UBAP2L: variants seen among roughly 807,000 people sequenced by gnomAD.
The protein encoded by UBAP2L is ubiquitin-associated protein 2-like.
Under a neutral mutation model 130.6 loss-of-function variants are expected in UBAP2L, and 12 were observed. That is an observed-to-expected ratio of 0.09 (90% CI 0.06 to 0.15). The LOEUF is 0.15. Ranked by LOEUF, UBAP2L falls within the 10% of genes least tolerant of loss-of-function variation. The pLI is 1.00. For synonymous variants in UBAP2L, 503 were observed against 524.7 expected (o/e 0.96, Z 0.57); for missense variants, 965 against 1,332.5 (o/e 0.72, Z 4.29).
downstream of UBAP2L, chr1:154,270,885 T>G: frequency 1.3e-6 from 2 of 1,534,050 alleles, no homozygotes; most frequent in Non-Finnish European, 1.8e-6. Flanking sequence ...GTCTAGGACA[T>G]CCTCAATTTC....
At chr1:154,261,816 T>C in intron 24 of UBAP2L, 119 bp downstream of exon 24, 1 of 979,676 alleles carries the variant, frequency 1.0e-6, no homozygotes, top group Non-Finnish European at 1.6e-6. Context: ...CTGCCCCAGG[T>C]ATGATTGTTA....
At chr1:154,220,275 A>G (rs1665443915), upstream of UBAP2L, 1 of 1,573,530 alleles carries the variant, frequency 6.4e-7, no homozygotes, top group African/African-American at 1.3e-5. Context: ...GACGGGGTAC[A>G]GCTCAAAAGG....
chr1:154,227,232 T>TAG lies in UBAP2L; in HGVS notation c.91-49_91-48insGA, dbSNP rs1668254891. On this transcript the variant is annotated intron_variant, in intron 2 of 26. Transcript: ENST00000428931. ...GCTGACGAAATAGGTTCCTGTTCTCTAAACTGTTGCCTCATGATTATGCTT... is the reference window on the plus strand; with the variant it reads ...GCTGACGAAATAGGTTCCTGTTCTCTAGAAACTGTTGCCTCATGATTATGCTT... 5 of 1,539,204 alleles carry TAG rather than the reference T, an allele frequency of 3.2e-6. No homozygotes were observed. The African/African-American group carries it at 6.8e-5, about 21-fold the overall frequency.
At chr1:154,229,468 GTAT>G (rs762674537) in intron 4 of UBAP2L, among the ~76,000 whole-genome samples, 5 of 151,546 alleles carry the variant, frequency 3.3e-5, no homozygotes, top group East Asian at 1.9e-4. Flanking sequence ...AATGAGCAGT[GTAT>G]TATTATTATT....
chr1:154,270,149 C>A, intron 26 of UBAP2L, 51 bp from the exon 27 acceptor site: 5 of 1,525,168 alleles, frequency 3.3e-6, no homozygotes, highest in Non-Finnish European at 4.4e-6. Context: ...CAAATTTGTA[C>A]CACTAACTAG....
At position 154,258,890 on chromosome 1, in the gene UBAP2L, T is replaced by C. The variant is rs146856810; in HGVS notation, c.2443-87T>C. ...TTCTAACCCAGAATGAGGATGAATGTTCTGTTGAATTAGCTTGTCTCTTGG... is the reference window on the plus strand; with the variant it reads ...TTCTAACCCAGAATGAGGATGAATGCTCTGTTGAATTAGCTTGTCTCTTGG... On this transcript the variant is annotated intron_variant, in intron 20 of 26. Transcript: ENST00000428931. 3.5e-5 allele frequency: 37 copies of C among 1,067,956 alleles called. 1 individual carries two copies. The highest frequency in any genetic ancestry group is 2.2e-4 in the Middle Eastern group (1 of 4,584). 66.2% of individuals were successfully genotyped at this position (1,067,956 alleles called of 1,614,324 possible).
chr1:154,234,452 A>G, intron 4 of UBAP2L, 139 bp from the exon 5 acceptor site: 1 of 775,048 alleles, frequency 1.3e-6, no homozygotes, highest in Non-Finnish European at 2.1e-6. Context: ...AAACAGAAGT[A>G]AAAGCAAACT....
At chr1:154,221,452 T>A (rs542866803) in intron 1 of UBAP2L, 1 of 152,996 alleles carries the variant, frequency 6.5e-6, no homozygotes, top group African/African-American at 2.4e-5. Context: ...CCTCCTCCCT[T>A]TCCACCCACT....
At chr1:154,256,299 G>T (rs912052974) in intron 18 of UBAP2L, among the ~76,000 whole-genome samples, 5 of 152,190 alleles carry the variant, frequency 3.3e-5, no homozygotes, top group Non-Finnish European at 7.3e-5. Flanking sequence ...GAGGGCTAAG[G>T]CTCCTTTAGG....
In UBAP2L at chr1:154,270,353, T is replaced by A; in HGVS notation, c.*58T>A. 6.2e-7 allele frequency: 1 copy of A among 1,610,896 alleles called. No homozygotes were observed. The highest frequency in any genetic ancestry group is 8.5e-7 in the Non-Finnish European group (1 of 1,179,022). On this transcript the variant is annotated 3_prime_UTR_variant, in exon 27 of 27. Transcript: ENST00000428931. ...TGAGAGGGCTTCTCAGCCTGGAAAC[T>A]ATGGAAACAGCATCAAAGAGAAAGG... is the stretch of plus-strand genomic sequence containing the variant.
At chr1:154,265,172 A>T (rs1682880705) in intron 24 of UBAP2L, among the ~76,000 whole-genome samples, 1 of 152,174 alleles carries the variant, frequency 6.6e-6, no homozygotes, top group South Asian at 2.1e-4. Flanking sequence ...GGTTTTCCAG[A>T]TTAAGATACC....
chr1:154,220,245 G>A, upstream of UBAP2L: 2 of 1,428,526 alleles, frequency 1.4e-6, no homozygotes, highest in Non-Finnish European at 9.9e-7. Context: ...ATAGGCGCAG[G>A]TGAGTGGGTG....
intron 22 of UBAP2L, 57 bp downstream of exon 22, chr1:154,260,086 C>T: frequency 6.5e-7 from 1 of 1,539,048 alleles, no homozygotes. Context: ...GGATTGATGG[C>T]AGACACCTGA....
chr1:154,250,557 T>A (rs766842638), intron 12 of UBAP2L, among the ~76,000 whole-genome samples: 2 of 152,048 alleles, frequency 1.3e-5, no homozygotes, highest in African/African-American at 2.4e-5. Flanking sequence ...TAGGCTTTAT[T>A]TAAGGATGGT....
intron 4 of UBAP2L, among the ~76,000 whole-genome samples, chr1:154,233,420 G>A (rs1259842628): frequency 6.6e-6 from 1 of 151,756 alleles, no homozygotes; most frequent in Non-Finnish European, 1.5e-5. Context: ...CACCTCCCAG[G>A]TTCAAGCAGT....
chr1:154,229,269 A>G (rs1205169417), intron 4 of UBAP2L, among the ~76,000 whole-genome samples: 1 of 151,978 alleles, frequency 6.6e-6, no homozygotes, highest in African/African-American at 2.4e-5. Context: ...ATCCCTGGAG[A>G]TGATAGGGGA....
chr1:154,234,700 A>G lies in UBAP2L; in HGVS notation c.389A>G (p.Tyr130Cys), dbSNP rs1671039994. 3.1e-6 allele frequency: 5 copies of G among 1,613,488 alleles called. No individual in the cohort carries two copies. Among genetic ancestry groups the G allele is most frequent in the East Asian group, 2.2e-5 (1 of 44,870 alleles). ...GKENRDRDRD[Y>C]SRRRGGPPRR... ...GAAAATCGAGACCGGGACAGAGACT[A>G]TAGTCGGCGACGTGGTGGGCCACCA... Residue 130 changes from tyrosine to cysteine, a missense_variant, in exon 5 of 27, where the codon TAT (tyrosine) becomes TGT (cysteine). Transcript: ENST00000428931.
chr1:154,255,516 T>C (rs953924422), intron 17 of UBAP2L, among the ~76,000 whole-genome samples, 167 bp from the exon 18 acceptor site: 1 of 152,246 alleles, frequency 6.6e-6, no homozygotes, highest in Non-Finnish European at 1.5e-5. Flanking sequence ...CATCCACTTT[T>C]GCTTTAACTG....
At chr1:154,236,438 A>C in intron 6 of UBAP2L, 128 bp from the exon 7 acceptor site, 1 of 939,866 alleles carries the variant, frequency 1.1e-6, no homozygotes. Flanking sequence ...GATGCAACCA[A>C]TCCGCCCGCC....
Sources: gnomAD v4.1 joint callset for allele counts (sites outside exome capture counted in the v4.1 genomes callset) on GRCh38, gnomAD v4.1.1 for gene constraint, MANE v1.5 for transcripts, NCBI Gene and HGNC (gene_info 2026-07-23, HGNC 2026-07-21) for gene names.